PRKCI: variants seen among roughly 807,000 people sequenced by gnomAD.
PRKCI encodes protein kinase C iota type.
In PRKCI, 43 loss-of-function variants were observed where a neutral mutation model predicts 84.0. The ratio of observed to expected loss-of-function variants is 0.51; its 90% CI spans 0.40 to 0.66. The LOEUF is 0.66. Among genes scored for constraint, PRKCI ranks in the 30% least tolerant of loss-of-function variants. The pLI is 0.00. For missense variants in PRKCI, 459 were observed against 745.6 expected (o/e 0.62, Z 4.48); for synonymous variants, 216 against 234.4 (o/e 0.92, Z 0.72).
intron 11 of PRKCI, among the ~76,000 whole-genome samples, chr3:170,282,873 G>C (rs1032224346): frequency 6.6e-6 from 1 of 151,866 alleles, no homozygotes; most frequent in African/African-American, 2.4e-5. Context: ...TTGGGAGGCC[G>C]AGGCGGGTGG....
At position 170,256,555 on chromosome 3, in the gene PRKCI, G is replaced by A. The variant is rs193037889; in HGVS notation, c.224-3414G>A. On this transcript the variant is annotated intron_variant, in intron 2 of 17. Transcript: ENST00000295797. Reference sequence around the variant, plus strand: ...CTGTGATTTGATTTCTTTGGGTCTTGTATCTTTTATTTTTAGTCCGGTTAA... The same window carrying A: ...CTGTGATTTGATTTCTTTGGGTCTTATATCTTTTATTTTTAGTCCGGTTAA... 4.6e-5 allele frequency among the ~76,000 whole-genome samples: 7 copies of A among 152,080 alleles called. No homozygotes were observed. In the East Asian group the frequency reaches 1.2e-3, roughly 25 times the overall value.
intron 8 of PRKCI, among the ~76,000 whole-genome samples, chr3:170,279,863 T>C (rs1734202604): frequency 6.6e-6 from 1 of 152,210 alleles, no homozygotes; most frequent in Non-Finnish European, 1.5e-5. Context: ...CACTTGACGT[T>C]CCCTGTCAGT....
At chr3:170,225,922 A>T (rs1732617209) in intron 1 of PRKCI, among the ~76,000 whole-genome samples, 1 of 150,998 alleles carries the variant, frequency 6.6e-6, no homozygotes, top group South Asian at 2.1e-4. Flanking sequence ...TTATTTATTT[A>T]TTTTTTTGGA....
chr3:170,301,631 G>T (rs1017945951), intron 17 of PRKCI, among the ~76,000 whole-genome samples: 3 of 151,946 alleles, frequency 2.0e-5, no homozygotes, highest in Non-Finnish European at 2.9e-5. Flanking sequence ...CAGCTGCCAA[G>T]TCTTTGTCTG....
At position 170,273,292 on chromosome 3, in the gene PRKCI, G is replaced by A; in HGVS notation, c.598G>A (p.Val200Met). The change falls in exon 7 of 18, where the codon GTG (valine) becomes ATG (methionine). Residue 200 changes from valine (V) to methionine (M), a missense_variant. Around this residue, in one of 2 missense-constraint regions of PRKCI, gnomAD observed 250 missense variants for 319.7 expected, o/e 0.78. Coordinates refer to ENST00000295797, the MANE Select transcript of PRKCI (RefSeq NM_002740.6). ...CGRHSLPQEP[V>M]MPMDQSSMHS... ...TCTTTGGAAATGTTTGTAGGAACCA[G>A]TGATGCCCATGGATCAGTCATCCAT... The A allele has an allele frequency of 6.2e-7, 1 of 1,613,580 alleles. No homozygotes were observed. Among genetic ancestry groups the A allele is most frequent in the African/African-American group, 1.3e-5 (1 of 75,022 alleles).
intron 13 of PRKCI, among the ~76,000 whole-genome samples, chr3:170,292,445 C>T (rs1255799314): frequency 6.6e-6 from 1 of 152,112 alleles, no homozygotes; most frequent in Non-Finnish European, 1.5e-5. Context: ...CTCAGGCACC[C>T]GAAGATACAC....
In PRKCI at chr3:170,236,879, AAG is replaced by A. The variant is rs1491041122; in HGVS notation, c.223+1530_223+1531del. ...GACCCTGTCTCAAAAAAAAAAAAAA[AAG>A]AAAGAAAAAGGGAAAAAGAAGCAAA... is the stretch of plus-strand genomic sequence containing the variant. On this transcript the variant is annotated intron_variant, in intron 2 of 17. Transcript: ENST00000295797. 2.8e-3 allele frequency among the ~76,000 whole-genome samples: 428 copies of A among 151,178 alleles called. 2 individuals carry two copies. Among genetic ancestry groups the A allele is most frequent in the African/African-American group, 9.2e-3 (377 of 41,200 alleles).
At chr3:170,253,530 G>C (rs12494977) in intron 2 of PRKCI, among the ~76,000 whole-genome samples, 1,862 of 152,266 alleles carry the variant, frequency 0.012, 71 homozygotes, top group Admixed American at 0.078. Flanking sequence ...AGTGGCTCAC[G>C]CCTGTAATCC....
chr3:170,299,522 C>T (rs563392673), intron 17 of PRKCI, among the ~76,000 whole-genome samples: 7 of 152,326 alleles, frequency 4.6e-5, no homozygotes, highest in South Asian at 2.1e-4. Context: ...CCACTGTGCC[C>T]GGCCTATACT....
chr3:170,238,845 C>T (rs1211466234), intron 2 of PRKCI, among the ~76,000 whole-genome samples: 2 of 152,132 alleles, frequency 1.3e-5, no homozygotes, highest in Non-Finnish European at 2.9e-5. Context: ...CCCGCCTTGG[C>T]CTCCCAAAGT....
At chr3:170,224,398 T>G (rs1732576737) in intron 1 of PRKCI, among the ~76,000 whole-genome samples, 1 of 152,018 alleles carries the variant, frequency 6.6e-6, no homozygotes, top group East Asian at 1.9e-4. Context: ...CAAGAGCTGT[T>G]TTGACTTGAG....
intron 8 of PRKCI, among the ~76,000 whole-genome samples, chr3:170,278,358 G>A (rs1798237): frequency 0.18 from 27,402 of 152,094 alleles, 2,539 homozygotes; most frequent in Non-Finnish European, 0.19. Context: ...GTTTTGTGTT[G>A]TTACAAAGGA....
chr3:170,222,630 G>C lies in PRKCI; in HGVS notation c.-40G>C. 6.7e-7 allele frequency: 1 copy of C among 1,501,326 alleles called. No homozygotes were observed. Among genetic ancestry groups the C allele is most frequent in the Non-Finnish European group, 8.9e-7 (1 of 1,119,160 alleles). 93.0% of individuals were successfully genotyped at this position (1,501,326 alleles called of 1,614,324 possible). On this transcript the variant is annotated 5_prime_UTR_variant, in exon 1 of 18. Transcript: ENST00000295797. ...CCCACGGCGCCCGAAGCGCCCCCCCGCACCCCCGGCCTCCAGCGTTGAGGC... is the reference window on the plus strand; with the variant it reads ...CCCACGGCGCCCGAAGCGCCCCCCCCCACCCCCGGCCTCCAGCGTTGAGGC...
intron 1 of PRKCI, among the ~76,000 whole-genome samples, chr3:170,231,629 T>A (rs1732796550): frequency 6.6e-6 from 1 of 152,006 alleles, no homozygotes; most frequent in Non-Finnish European, 1.5e-5. Context: ...CACACCTGGC[T>A]AATTTTTGTA....
intron 1 of PRKCI, among the ~76,000 whole-genome samples, chr3:170,233,951 C>T (rs1246317025): frequency 6.6e-6 from 1 of 151,668 alleles, no homozygotes; most frequent in African/African-American, 2.4e-5. Flanking sequence ...GAACTCCTGA[C>T]CTCTAGTGAT....
chr3:170,240,277 C>A (rs1733094413), intron 2 of PRKCI, among the ~76,000 whole-genome samples: 2 of 151,692 alleles, frequency 1.3e-5, no homozygotes, highest in Admixed American at 1.3e-4. Flanking sequence ...TTGACAGTTA[C>A]TGTTTATTCT....
chr3:170,239,098 CTA>C (rs1733055134), intron 2 of PRKCI, among the ~76,000 whole-genome samples: 1 of 152,156 alleles, frequency 6.6e-6, no homozygotes, highest in Admixed American at 6.5e-5. Flanking sequence ...AAAAATTAAA[CTA>C]GTTTTTCACA....
chr3:170,276,062 T>C (rs1411677862), intron 8 of PRKCI, among the ~76,000 whole-genome samples: 1 of 151,492 alleles, frequency 6.6e-6, no homozygotes, highest in Non-Finnish European at 1.5e-5. Context: ...GCCTCCCGAG[T>C]AGCTAGGACT....
At chr3:170,297,453 G>A (rs1734711577) in intron 16 of PRKCI, 60 bp downstream of exon 16, 1 of 1,367,370 alleles carries the variant, frequency 7.3e-7, no homozygotes, top group Admixed American at 1.9e-5. Context: ...CCAATTTTTT[G>A]TTGTTGTTCT....
Sources: allele counts gnomAD v4.1 joint callset (sites outside exome capture counted in the v4.1 genomes callset), GRCh38; gene constraint gnomAD v4.1.1; regional missense constraint gnomAD v4.1.1; transcripts MANE v1.5; gene names NCBI Gene and HGNC (gene_info 2026-07-23, HGNC 2026-07-21).